Variants in SPAG6 observed in about 807,000 individuals in gnomAD.
SPAG6 encodes sperm associated antigen 6.
SPAG6 carries 49 observed loss-of-function variants against 58.5 expected under a neutral mutation model. The ratio of observed to expected loss-of-function variants is 0.84; its 90% CI spans 0.67 to 1.06. The LOEUF is 1.06. Ranked by LOEUF, SPAG6 falls within the 50% of genes least tolerant of loss-of-function variation. The pLI is 0.00. For synonymous variants in SPAG6, 233 were observed against 225.6 expected, an observed-to-expected ratio of 1.03 and a Z score of -0.29; for missense variants, 560 against 611.3, an observed-to-expected ratio of 0.92 and a Z score of 0.89.
rs1316332845 is a variant in SPAG6 at position 22,387,801 on chromosome 10, TTG to T, written c.679-20_679-19del. 6.3e-7 allele frequency: 1 copy of T among 1,591,474 alleles called. No homozygotes were observed. Among genetic ancestry groups the T allele is most frequent in the Non-Finnish European group, 8.5e-7 (1 of 1,173,206 alleles). On this transcript the variant is annotated intron_variant, in intron 5 of 10. Coordinates refer to ENST00000376624, the MANE Select transcript of SPAG6 (RefSeq NM_012443.4). ...GATGCTATATAGTGTTTTGTTGTTG[TTG>T]TTTTTTTTTTGCTTCACAGCATCAG...
At chr10:22,412,335 C>T (rs929017254) in intron 10 of SPAG6, 3 of 582,968 alleles carry the variant, frequency 5.1e-6, no homozygotes, top group Non-Finnish European at 9.0e-6. Context: ...TCTGTTAATT[C>T]TTCCTGTTTA....
In SPAG6 at chr10:22,368,643, C is replaced by T; in HGVS notation, c.437C>T (p.Ala146Val). The change falls in exon 4 of 11, where the codon GCC (alanine) becomes GTC (valine). Residue 146 changes from alanine (A) to valine (V), a missense_variant. Ala to Val is a moderately conservative substitution (Grantham distance 64). Coordinates refer to ENST00000376624, the MANE Select transcript of SPAG6 (RefSeq NM_012443.4). ...GACCCTGGAGTCAAGGAGGCTGCAG[C>T]CTGGGCACTTAGATATATTGCAAGA... ...DFDPGVKEAAAWALRYIARHN... is the reference protein window; with the variant it reads ...DFDPGVKEAAVWALRYIARHN... 1 of 1,613,500 alleles carries T rather than the reference C, an allele frequency of 6.2e-7. No individual in the cohort carries two copies. The highest frequency in any genetic ancestry group is 8.5e-7 in the Non-Finnish European group (1 of 1,179,768).
At chr10:22,364,229 A>C (rs1049270472) in intron 2 of SPAG6, among the ~76,000 whole-genome samples, 2 of 152,206 alleles carry the variant, frequency 1.3e-5, no homozygotes, top group Admixed American at 1.3e-4. Context: ...CCTGCTTCAT[A>C]GTTTTGTTAT....
At chr10:22,365,578 A>G (rs528805383) in intron 3 of SPAG6, among the ~76,000 whole-genome samples, 2 of 152,214 alleles carry the variant, frequency 1.3e-5, no homozygotes, top group African/African-American at 4.8e-5. Context: ...TTTTCTATAC[A>G]ATGCCAGCTA....
intron 10 of SPAG6, among the ~76,000 whole-genome samples, chr10:22,412,037 G>T (rs906863067): frequency 6.6e-6 from 1 of 151,882 alleles, no homozygotes; most frequent in Non-Finnish European, 1.5e-5. Context: ...TTTTAGTAGA[G>T]ACGGGGTTTC....
intron 2 of SPAG6, among the ~76,000 whole-genome samples, chr10:22,364,218 G>T (rs1330472906): frequency 2.0e-5 from 3 of 152,104 alleles, no homozygotes; most frequent in African/African-American, 7.2e-5. Context: ...TAATAGTAGG[G>T]CCTGCTTCAT....
chr10:22,405,746 G>A (rs1458573501), intron 9 of SPAG6, among the ~76,000 whole-genome samples: 5 of 152,096 alleles, frequency 3.3e-5, no homozygotes, highest in East Asian at 1.9e-4. Context: ...GGTAGAATTC[G>A]GCTGTGAATC....
At chr10:22,360,316 G>A (rs1169494637) in intron 2 of SPAG6, among the ~76,000 whole-genome samples, 3 of 145,488 alleles carry the variant, frequency 2.1e-5, no homozygotes, top group Admixed American at 2.1e-4. Context: ...TCTTGTTTTT[G>A]TTTGTTTTTT....
In SPAG6 at chr10:22,345,846, C is replaced by G. The variant is rs1171735088; in HGVS notation, c.121+28C>G. 1.9e-6 allele frequency: 3 copies of G among 1,601,984 alleles called. No individual in the cohort carries two copies. Among genetic ancestry groups the G allele is most frequent in the Non-Finnish European group, 2.6e-6 (3 of 1,174,628 alleles). ...GAGCCCGGAGCCCGAACCCCCGTCG[C>G]CCCCCGCGCACTGAGTCCCCGACGC... is the stretch of plus-strand genomic sequence containing the variant. On this transcript the variant is annotated intron_variant, in intron 2 of 10. Transcript: ENST00000376624. The surrounding 1 kb of genome is among the most constrained non-coding windows in gnomAD (Gnocchi z 6.3).
chr10:22,409,345 A>G (rs1207225143), intron 9 of SPAG6, among the ~76,000 whole-genome samples: 6 of 152,228 alleles, frequency 3.9e-5, no homozygotes, highest in Non-Finnish European at 5.9e-5. Context: ...TACTAGTGCA[A>G]TCTTCTGTTG....
In SPAG6 at chr10:22,345,807, T is replaced by C; in HGVS notation, c.110T>C (p.Leu37Pro). The change falls in exon 2 of 11, where the codon CTG becomes CCG. Residue 37 changes from leucine (L) to proline (P), a missense_variant. By Grantham distance (98) the Leu-to-Pro change is moderately conservative. Coordinates refer to ENST00000376624, the MANE Select transcript of SPAG6 (RefSeq NM_012443.4). This position sits in a 1 kb window ranked among gnomAD's most constrained non-coding sequence, Gnocchi z 6.3. ...ACTAGACCCCAAAACATCGAGACGC[T>C]GCAGAACGCGGGTGAGCCCGGAGCC... is the stretch of plus-strand genomic sequence containing the variant. ...LATRPQNIET[L>P]QNAGVMSLLR... is the part of the protein sequence containing the mutation. The C allele has an allele frequency of 1.2e-6, 2 of 1,613,284 alleles. No individual in the cohort carries two copies. Among genetic ancestry groups the C allele is most frequent in the Non-Finnish European group, 1.7e-6 (2 of 1,179,694 alleles).
At chr10:22,401,552 A>G (rs2132104174) in intron 9 of SPAG6, among the ~76,000 whole-genome samples, 1 of 152,348 alleles carries the variant, frequency 6.6e-6, no homozygotes, top group South Asian at 2.1e-4. Context: ...TATATTGATA[A>G]GTGACTTTTA....
intron 9 of SPAG6, among the ~76,000 whole-genome samples, chr10:22,403,804 C>T (rs1452264350): frequency 6.1e-5 from 9 of 146,608 alleles, no homozygotes; most frequent in Admixed American, 1.4e-4. Flanking sequence ...CTGTTGTTTC[C>T]TGACTTTTTA....
intron 4 of SPAG6, among the ~76,000 whole-genome samples, chr10:22,376,207 T>C (rs968426017): frequency 3.3e-5 from 5 of 152,196 alleles, no homozygotes; most frequent in African/African-American, 1.2e-4. Flanking sequence ...TAAATACTTA[T>C]TGAGCATTTT....
chr10:22,412,706 G>T (rs934700660), intron 10 of SPAG6: 2 of 412,600 alleles, frequency 4.8e-6, no homozygotes, highest in Admixed American at 4.2e-5. Context: ...CAAGTAGCTG[G>T]GACTACAGGC....
intron 4 of SPAG6, among the ~76,000 whole-genome samples, chr10:22,372,054 C>G (rs1023586087): frequency 3.3e-5 from 5 of 152,270 alleles, no homozygotes; most frequent in African/African-American, 1.2e-4. Context: ...TCCTTAGTGA[C>G]AGCTGAGGTA....
At chr10:22,347,639 G>C (rs1836601325) in intron 2 of SPAG6, among the ~76,000 whole-genome samples, 1 of 152,176 alleles carries the variant, frequency 6.6e-6, no homozygotes, top group Non-Finnish European at 1.5e-5. Context: ...ATGTTTTAGT[G>C]AGTAGTGGCA....
At chr10:22,396,822 T>C (rs778180653) in intron 8 of SPAG6, among the ~76,000 whole-genome samples, 10 of 152,322 alleles carry the variant, frequency 6.6e-5, no homozygotes, top group Non-Finnish European at 1.5e-4. Context: ...GTAGATGCTA[T>C]GCTAGTTAAT....
Position 22,389,279 on chromosome 10 carries a change from T to C in SPAG6, c.972T>C (p.Ser324=). 1 of 1,612,546 alleles carries C rather than the reference T, an allele frequency of 6.2e-7. No homozygotes were observed. The highest frequency in any genetic ancestry group is 8.5e-7 in the Non-Finnish European group (1 of 1,179,696). Residue 324 remains serine, a synonymous_variant, in exon 7 of 11, where the codon TCT becomes TCC. Transcript: ENST00000376624. The part of the protein sequence containing the change: ...IMMLGYVAAH[S]ENLAMAVIIS... ...TGCTTGGTTATGTAGCAGCTCATTCTGAGAACCTAGCAATGGCAGTCATCA... is the reference window on the plus strand; with the variant it reads ...TGCTTGGTTATGTAGCAGCTCATTCCGAGAACCTAGCAATGGCAGTCATCA...
Sources: gnomAD v4.1 joint callset for allele counts (sites outside exome capture counted in the v4.1 genomes callset) on GRCh38, gnomAD v4.1.1 for gene constraint, Gnocchi (gnomAD v3.1) non-coding constraint, MANE v1.5 for transcripts, NCBI Gene and HGNC (gene_info 2026-07-23, HGNC 2026-07-21) for gene names.